The following GABARAPL2 variants were observed in gnomAD, a reference collection of about 807,000 sequenced individuals.
GABARAPL2 encodes the protein GABA type A receptor associated protein like 2.
GABARAPL2 carries 11 observed loss-of-function variants against 16.9 expected under a neutral mutation model. The ratio of observed to expected loss-of-function variants is 0.65; its 90% CI spans 0.41 to 1.08. The LOEUF (loss-of-function observed/expected upper bound fraction) is 1.08, where lower values mean the gene tolerates loss of function less well. Ranked by LOEUF, GABARAPL2 falls within the 50% of genes least tolerant of loss-of-function variation. GABARAPL2 has a pLI of 0.00. For missense variants in GABARAPL2, 134 were observed against 142.5 expected (o/e 0.94, Z 0.30); for synonymous variants, 57 against 50.7 (o/e 1.12, Z -0.53).
intron 3 of GABARAPL2, among the ~76,000 whole-genome samples, chr16:75,570,870 A>C (rs1266665582): frequency 6.6e-6 from 1 of 152,204 alleles, no homozygotes; most frequent in East Asian, 1.9e-4. Flanking sequence ...CAGGCCAAAA[A>C]CGGAATGGGG....
intron 1 of GABARAPL2, 162 bp from the exon 2 acceptor site, chr16:75,566,690 T>C: frequency 2.1e-6 from 2 of 951,110 alleles, no homozygotes; most frequent in Non-Finnish European, 3.2e-6. Flanking sequence ...CATGTCACCC[T>C]CCGCGGGCCT....
In GABARAPL2 at chr16:75,568,174, CT is replaced by C; in HGVS notation, c.230del (p.Phe77SerfsTer13). On this transcript the variant is annotated frameshift_variant, in exon 3 of 4. Coordinates refer to ENST00000037243, the MANE Select transcript of GABARAPL2 (RefSeq NM_007285.7). LOFTEE classifies it high-confidence loss of function. ...TCCAGCTTCCTTCTGAAAAGGCGATCTTCCTGTTTGTGGATAAGACAGTCCC... is the reference window on the plus strand; with the variant it reads ...TCCAGCTTCCTTCTGAAAAGGCGATCTCCTGTTTGTGGATAAGACAGTCCC... The part of the protein sequence containing the change: ...RIQLPSEKAI[F>X]LFVDKTVPQS... The C allele has an allele frequency of 6.2e-7, 1 of 1,613,056 alleles. No individual in the cohort carries two copies. Among genetic ancestry groups the C allele is most frequent in the Non-Finnish European group, 8.5e-7 (1 of 1,179,042 alleles).
chr16:75,566,520 G>A lies in GABARAPL2; in HGVS notation c.34G>A (p.Glu12Lys), dbSNP rs753469810. 2 of 1,608,674 alleles carry A rather than the reference G, an allele frequency of 1.2e-6. No homozygotes were observed. Among genetic ancestry groups the A allele is most frequent in the Admixed American group, 3.3e-5 (2 of 59,832 alleles). The change falls in exon 1 of 4, where the codon GAA (glutamate) becomes AAA (lysine). Residue 12 changes from glutamate to lysine, a missense_variant and splice_region_variant. Coordinates refer to ENST00000037243, the MANE Select transcript of GABARAPL2 (RefSeq NM_007285.7). ...GATGTTCAAGGAGGACCACTCGCTG[G>A]GTAAGCACTTGGTCGTCGGCCCGGC... Reference protein sequence around the residue: ...KWMFKEDHSLEHRCVESAKIR... With the variant: ...KWMFKEDHSLKHRCVESAKIR...
At chr16:75,576,426 C>CTT (rs2080949924) in intron 3 of GABARAPL2, 1 of 152,194 alleles carries the variant, frequency 6.6e-6, no homozygotes, top group Non-Finnish European at 1.5e-5. Flanking sequence ...ATGAGTTCCC[C>CTT]TTTTAAGGAT....
chr16:75,574,895 T>C (rs1409510098), intron 3 of GABARAPL2, among the ~76,000 whole-genome samples: 2 of 151,830 alleles, frequency 1.3e-5, no homozygotes, highest in African/African-American at 4.8e-5. Flanking sequence ...TAGCCAGGCG[T>C]GGTGGCATGC....
intron 3 of GABARAPL2, among the ~76,000 whole-genome samples, chr16:75,571,192 A>G (rs1482812471): frequency 1.3e-5 from 2 of 152,018 alleles, no homozygotes; most frequent in African/African-American, 2.4e-5. Flanking sequence ...AAGTCCTCCT[A>G]CCTCACCAGG....
chr16:75,576,313 A>AG (rs2080949353), intron 3 of GABARAPL2: 1 of 152,208 alleles, frequency 6.6e-6, no homozygotes, highest in South Asian at 2.1e-4. Flanking sequence ...GTTTACATGG[A>AG]GGTTCCACTC....
At chr16:75,571,671 CTT>C (rs576323236) in intron 3 of GABARAPL2, among the ~76,000 whole-genome samples, 32 of 139,358 alleles carry the variant, frequency 2.3e-4, no homozygotes, top group African/African-American at 2.3e-4. Flanking sequence ...AAGGACAGGA[CTT>C]TTTTTTTTTT....
chr16:75,577,448 A>C lies in GABARAPL2; in HGVS notation c.*79A>C. 1 of 839,948 alleles carries C rather than the reference A, an allele frequency of 1.2e-6. No homozygotes were observed. Among genetic ancestry groups the C allele is most frequent in the African/African-American group, 1.7e-5 (1 of 60,182 alleles). The allele number at this position is 839,948 out of a possible 1,614,324, so 52.0% of individuals were successfully genotyped here. A position where few individuals can be genotyped will look rare whatever the true frequency, so the allele number is the denominator to read the frequency against. ...CAGCCATTTTCAGTTATTATACCAG[A>C]ACCTCTTCACATAGACCTATTAGTG... On this transcript the variant is annotated 3_prime_UTR_variant, in exon 4 of 4. Transcript: ENST00000037243.
chr16:75,574,401 C>A (rs557395264), intron 3 of GABARAPL2, among the ~76,000 whole-genome samples: 6 of 152,304 alleles, frequency 3.9e-5, no homozygotes, highest in African/African-American at 1.2e-4. Context: ...CATCTAAACC[C>A]ATCTGGTAGT....
In GABARAPL2 at chr16:75,566,646, T is replaced by TGCCCTGGTGCCTCGGGCAGCGGC. The variant is rs1222187330; in HGVS notation, c.34+127_34+149dup. On this transcript the variant is annotated intron_variant, in intron 1 of 3. Transcript: ENST00000037243. ...CCCTGCTGCGGGCTGGAGTCGCCCA[T>TGCCCTGGTGCCTCGGGCAGCGGC]GCCCTGGTGCCTCGGGCAGCGGCCC... The TGCCCTGGTGCCTCGGGCAGCGGC allele has an allele frequency of 8.1e-6, 9 of 1,115,844 alleles. No homozygotes were observed. In the Admixed American group the frequency reaches 1.9e-4, roughly 23 times the overall value. 69.1% of individuals were successfully genotyped at this position (1,115,844 alleles called of 1,614,324 possible).
chr16:75,566,671 C>A, intron 1 of GABARAPL2, 151 bp downstream of exon 1: 1 of 997,184 alleles, frequency 1.0e-6, no homozygotes, highest in Non-Finnish European at 1.5e-6. Flanking sequence ...GGCAGCGGCC[C>A]CCTGACCCCA....
At position 75,568,143 on chromosome 16, in the gene GABARAPL2, A is replaced by C; in HGVS notation, c.197A>C (p.Lys66Thr). Residue 66 changes from lysine to threonine, a missense_variant, in exon 3 of 4, where the codon AAA (lysine) becomes ACA (threonine). Physicochemically the swap from Lys to Thr is moderately conservative, Grantham distance 78. Transcript: ENST00000037243. ...TVAQFMWIIR[K>T]RIQLPSEKAI... is the part of the protein sequence containing the mutation. Reference sequence around the variant, plus strand: ...GCTCAGTTCATGTGGATCATCAGGAAAAGGATCCAGCTTCCTTCTGAAAAG... The same window carrying C: ...GCTCAGTTCATGTGGATCATCAGGACAAGGATCCAGCTTCCTTCTGAAAAG... 1 of 1,612,982 alleles carries C rather than the reference A, an allele frequency of 6.2e-7. No homozygotes were observed.
chr16:75,575,943 T>G (rs1366051793), intron 3 of GABARAPL2: 1 of 152,212 alleles, frequency 6.6e-6, no homozygotes, highest in Non-Finnish European at 1.5e-5. Context: ...TGTTTATGTT[T>G]TACACTGCAC....
chr16:75,577,040 T>G, intron 3 of GABARAPL2: 1 of 408,940 alleles, frequency 2.4e-6, no homozygotes, highest in Non-Finnish European at 4.4e-6. Context: ...CAAAGCCCCC[T>G]GAAGGAGCTG....
At chr16:75,570,306 A>G (rs2080907798) in intron 3 of GABARAPL2, among the ~76,000 whole-genome samples, 1 of 152,176 alleles carries the variant, frequency 6.6e-6, no homozygotes, top group Non-Finnish European at 1.5e-5. Flanking sequence ...GGCGTGTGAC[A>G]TCATTGGGCT....
intron 1 of GABARAPL2, 49 bp downstream of exon 1, chr16:75,566,569 G>C (rs766701236): frequency 3.1e-6 from 5 of 1,595,056 alleles, no homozygotes; most frequent in East Asian, 2.3e-5. Flanking sequence ...GGCGGCGGGT[G>C]GGCCCCCTCC....
chr16:75,574,696 C>T, intron 3 of GABARAPL2, among the ~76,000 whole-genome samples: 1 of 152,082 alleles, frequency 6.6e-6, no homozygotes, highest in Non-Finnish European at 1.5e-5. Context: ...AGATGACCCT[C>T]CCTTCTCCCC....
At chr16:75,570,818 T>C (rs1049940197) in intron 3 of GABARAPL2, among the ~76,000 whole-genome samples, 18 of 152,300 alleles carry the variant, frequency 1.2e-4, no homozygotes, top group African/African-American at 4.1e-4. Context: ...CCATTTAGCA[T>C]TGGAAAGTTG....
Sources: gnomAD v4.1 joint callset for allele counts (sites outside exome capture counted in the v4.1 genomes callset) on GRCh38, gnomAD v4.1.1 for gene constraint, MANE v1.5 for transcripts, NCBI Gene and HGNC (gene_info 2026-07-23, HGNC 2026-07-21) for gene names.